HMGA2: variants seen among roughly 807,000 people sequenced by gnomAD.
The protein encoded by HMGA2 is high mobility group protein HMGI-C.
Under a neutral mutation model 19.1 loss-of-function variants are expected in HMGA2, and 8 were observed. That is an observed-to-expected ratio of 0.42 (90% CI 0.25 to 0.76). The LOEUF (loss-of-function observed/expected upper bound fraction) is 0.76, where lower values mean the gene tolerates loss of function less well. HMGA2 is among the 30% of genes least tolerant of loss of function. HMGA2 has a pLI of 0.28. For missense variants in HMGA2, 109 were observed against 136.3 expected (o/e 0.80, Z 1.00); for synonymous variants, 60 against 48.8 (o/e 1.23, Z -0.96).
At chr12:65,962,225 A>T (rs1876771779) in intron 4 of HMGA2, among the ~76,000 whole-genome samples, 1 of 152,202 alleles carries the variant, frequency 6.6e-6, no homozygotes, top group African/African-American at 2.4e-5. Flanking sequence ...CTTTTATCGG[A>T]AATGTTTATT....
At chr12:65,878,970 T>G (rs1328190328) in intron 3 of HMGA2, among the ~76,000 whole-genome samples, 1 of 152,228 alleles carries the variant, frequency 6.6e-6, no homozygotes, top group Non-Finnish European at 1.5e-5. Context: ...CTTCGAATGT[T>G]GTCCTTTGTA....
intron 3 of HMGA2, among the ~76,000 whole-genome samples, chr12:65,853,349 A>G (rs1871571629): frequency 6.6e-6 from 1 of 152,222 alleles, no homozygotes; most frequent in Non-Finnish European, 1.5e-5. Context: ...TCAAGTTTAT[A>G]GAAGCAAGAA....
intron 3 of HMGA2, among the ~76,000 whole-genome samples, chr12:65,914,211 T>C (rs1026154740): frequency 2.6e-5 from 4 of 152,012 alleles, no homozygotes; most frequent in Non-Finnish European, 5.9e-5. Context: ...TATTGCGGCA[T>C]TATTCACAAT....
In HMGA2 at chr12:65,938,701, T is replaced by A. The variant is rs1875979133; in HGVS notation, c.250-12682T>A. On this transcript the variant is annotated intron_variant, in intron 3 of 4. Transcript: ENST00000403681. Reference sequence around the variant, plus strand: ...TCTCACTTTGTCACCCAGGCTGGAGTGCAGTGGCACGATTACAGCTCATGG... The same window carrying A: ...TCTCACTTTGTCACCCAGGCTGGAGAGCAGTGGCACGATTACAGCTCATGG... Among the ~76,000 whole-genome samples, 8 of 152,082 alleles carry A rather than the reference T, an allele frequency of 5.3e-5. No homozygotes were observed. The South Asian group carries it at 1.7e-3, about 32-fold the overall frequency.
At chr12:65,959,220 C>T (rs1030698035) in intron 4 of HMGA2, among the ~76,000 whole-genome samples, 1 of 152,116 alleles carries the variant, frequency 6.6e-6, no homozygotes, top group Non-Finnish European at 1.5e-5. Context: ...GAAGTGTACC[C>T]AAAGGTATAT....
At chr12:65,879,762 A>G (rs1348018543) in intron 3 of HMGA2, among the ~76,000 whole-genome samples, 1 of 152,230 alleles carries the variant, frequency 6.6e-6, no homozygotes, top group Non-Finnish European at 1.5e-5. Flanking sequence ...ATATGTACAC[A>G]TATATTTATG....
Position 65,824,551 on chromosome 12 carries a change from G to A in HMGA2, c.-720G>A. ...AGGAGCTAGCAGCCCGTCCCCCTCC[G>A]ACTCTCCGGTGCCGCCGCTGCCTGC... is the stretch of plus-strand genomic sequence containing the variant. On this transcript the variant is annotated 5_prime_UTR_variant, in exon 1 of 5. Coordinates refer to ENST00000403681, the MANE Select transcript of HMGA2 (RefSeq NM_003483.6). 1 of 233,136 alleles carries A rather than the reference G, an allele frequency of 4.3e-6. No homozygotes were observed. Among genetic ancestry groups the A allele is most frequent in the Non-Finnish European group, 8.5e-6 (1 of 118,328 alleles). The allele number at this position is 233,136 out of a possible 1,614,324, so 14.4% of individuals were successfully genotyped here. A position where few individuals can be genotyped will look rare whatever the true frequency, so the allele number is the denominator to read the frequency against.
intron 3 of HMGA2, among the ~76,000 whole-genome samples, chr12:65,895,946 C>T (rs775822713): frequency 2.0e-5 from 3 of 152,126 alleles, no homozygotes; most frequent in Non-Finnish European, 2.9e-5. Flanking sequence ...GTGAGGAGTG[C>T]GTTTGCATGT....
At position 65,907,782 on chromosome 12, in the gene HMGA2, G is replaced by C. The variant is rs118080313; in HGVS notation, c.250-43601G>C. 6.3e-3 allele frequency among the ~76,000 whole-genome samples: 962 copies of C among 152,290 alleles called. 7 individuals carry two copies. The highest frequency in any genetic ancestry group is 6.8e-3 in the Non-Finnish European group (463 of 68,014). Reference sequence around the variant, plus strand: ...TCCTGTTGTGGCCGCATGGTTCTGGGAAGTGGTAGACATGGGATTAAGCAG... The same window carrying C: ...TCCTGTTGTGGCCGCATGGTTCTGGCAAGTGGTAGACATGGGATTAAGCAG... On this transcript the variant is annotated intron_variant, in intron 3 of 4. Transcript: ENST00000403681.
intron 3 of HMGA2, among the ~76,000 whole-genome samples, chr12:65,914,085 C>A (rs192696160): frequency 7.2e-5 from 11 of 152,088 alleles, no homozygotes; most frequent in Non-Finnish European, 1.3e-4. Flanking sequence ...GTCAGTGTGG[C>A]GATTCCTCAG....
At chr12:65,896,494 T>C (rs1272276089) in intron 3 of HMGA2, among the ~76,000 whole-genome samples, 2 of 152,222 alleles carry the variant, frequency 1.3e-5, no homozygotes, top group East Asian at 3.8e-4. Flanking sequence ...GCTGCTGTTG[T>C]AGGGGGAGTG....
In HMGA2 at chr12:65,936,421, A is replaced by G. The variant is rs17101913; in HGVS notation, c.250-14962A>G. Among the ~76,000 whole-genome samples the G allele has an allele frequency of 3.5e-3, 535 of 152,250 alleles. 4 individuals are homozygous for G. Among genetic ancestry groups the G allele is most frequent in the African/African-American group, 0.012 (512 of 41,546 alleles). ...GTTAGGTGAACAAAGCACATAAAAAATCCTGTTCTGGTTGCCATACATATT... is the reference window on the plus strand; with the variant it reads ...GTTAGGTGAACAAAGCACATAAAAAGTCCTGTTCTGGTTGCCATACATATT... On this transcript the variant is annotated intron_variant, in intron 3 of 4. Coordinates refer to ENST00000403681, the MANE Select transcript of HMGA2 (RefSeq NM_003483.6).
At chr12:65,963,033 A>G (rs116337516) in intron 4 of HMGA2, among the ~76,000 whole-genome samples, 1,717 of 152,290 alleles carry the variant, frequency 0.011, 34 homozygotes, top group African/African-American at 0.039. Context: ...TTAAGTCAAC[A>G]GTGGCTAATG....
intron 3 of HMGA2, 48 bp from the exon 4 acceptor site, chr12:65,951,335 A>G: frequency 8.2e-7 from 1 of 1,213,950 alleles, no homozygotes. Flanking sequence ...AATTTTTTCT[A>G]TAATGTATAT....
chr12:65,911,295 G>A (rs1476917947), intron 3 of HMGA2, among the ~76,000 whole-genome samples: 1 of 152,088 alleles, frequency 6.6e-6, no homozygotes, highest in African/African-American at 2.4e-5. Flanking sequence ...TTCAAAGTTT[G>A]GGATAACAGA....
At chr12:65,917,196 G>C (rs1875133433) in intron 3 of HMGA2, among the ~76,000 whole-genome samples, 3 of 151,642 alleles carry the variant, frequency 2.0e-5, no homozygotes, top group South Asian at 2.1e-4. Flanking sequence ...ATGGAGGGAG[G>C]GGGAGAAGTT....
At chr12:65,927,870 A>G (rs1361710927) in intron 3 of HMGA2, among the ~76,000 whole-genome samples, 1 of 146,526 alleles carries the variant, frequency 6.8e-6, no homozygotes, top group East Asian at 2.0e-4. Context: ...TTTTTTATAT[A>G]TGTATGTATA....
At chr12:65,853,204 T>G (rs1871563330) in intron 3 of HMGA2, among the ~76,000 whole-genome samples, 1 of 152,176 alleles carries the variant, frequency 6.6e-6, no homozygotes, top group African/African-American at 2.4e-5. Context: ...CTAAGAGCAC[T>G]GAAACTGGGG....
At chr12:65,888,772 C>T (rs1232314328) in intron 3 of HMGA2, among the ~76,000 whole-genome samples, 5 of 151,350 alleles carry the variant, frequency 3.3e-5, no homozygotes, top group African/African-American at 1.2e-4. Flanking sequence ...ACCGTGTTAG[C>T]CAGGATGGTC....
Sources: allele counts gnomAD v4.1 joint callset (sites outside exome capture counted in the v4.1 genomes callset), GRCh38; gene constraint gnomAD v4.1.1; transcripts MANE v1.5; gene names NCBI Gene and HGNC (gene_info 2026-07-23, HGNC 2026-07-21).